The following C1orf185 variants were observed in gnomAD, a reference collection of about 807,000 sequenced individuals.
C1orf185 encodes chromosome 1 open reading frame 185.
C1orf185 carries 13 observed loss-of-function variants against 16.1 expected under a neutral mutation model. The ratio of observed to expected loss-of-function variants is 0.81; its 90% CI spans 0.53 to 1.28. The LOEUF is 1.28. Among genes scored for constraint, C1orf185 ranks in the 50% most tolerant of loss-of-function variants. The pLI is 0.00. For synonymous variants in C1orf185, 80 were observed against 76.9 expected (o/e 1.04, Z -0.21); for missense variants, 220 against 225.2 (o/e 0.98, Z 0.15).
At chr1:51,138,815 C>T (rs1005448076) in intron 3 of C1orf185, among the ~76,000 whole-genome samples, 2 of 152,100 alleles carry the variant, frequency 1.3e-5, no homozygotes, top group African/African-American at 4.8e-5. Context: ...AGCCTCCCAA[C>T]CAGCTGGGAT....
downstream of C1orf185, among the ~76,000 whole-genome samples, chr1:51,150,355 G>T (rs1312208722): frequency 6.6e-6 from 1 of 152,014 alleles, no homozygotes; most frequent in South Asian, 2.1e-4. Context: ...AACACGTCCA[G>T]CTAATTTTTG....
chr1:51,112,648 C>G (rs1646129900), intron 2 of C1orf185, 79 bp downstream of exon 2: 2 of 1,245,760 alleles, frequency 1.6e-6, no homozygotes, highest in Non-Finnish European at 2.2e-6. Context: ...TGGAAGTAAA[C>G]TTAAATAACT....
chr1:51,150,159 G>A (rs539493831), downstream of C1orf185, among the ~76,000 whole-genome samples: 1 of 150,196 alleles, frequency 6.7e-6, no homozygotes, highest in Non-Finnish European at 1.5e-5. Context: ...TAAAGTAATT[G>A]TTATCCCATA....
chr1:51,137,998 T>A (rs1354676247), intron 3 of C1orf185, among the ~76,000 whole-genome samples: 6 of 152,124 alleles, frequency 3.9e-5, no homozygotes, highest in African/African-American at 1.4e-4. Context: ...GAGAGCCAAA[T>A]GTTGAAAACA....
At chr1:51,133,354 A>T (rs1219511383) in intron 3 of C1orf185, among the ~76,000 whole-genome samples, 1 of 152,210 alleles carries the variant, frequency 6.6e-6, no homozygotes, top group African/African-American at 2.4e-5. Context: ...TAAAGGAATG[A>T]TGAAAAATCT....
At chr1:51,120,570 G>T (rs1197935426) in intron 3 of C1orf185, among the ~76,000 whole-genome samples, 3 of 152,144 alleles carry the variant, frequency 2.0e-5, no homozygotes, top group Non-Finnish European at 4.4e-5. Context: ...GATTCTAAAG[G>T]TTATTTCCTC....
intron 2 of C1orf185, among the ~76,000 whole-genome samples, chr1:51,114,203 G>A (rs1646142245): frequency 6.6e-6 from 1 of 152,226 alleles, no homozygotes; most frequent in Admixed American, 6.5e-5. Context: ...AAACAATCAT[G>A]AAATTGAAGA....
rs1306257023 is a variant in C1orf185, at chr1:51,145,755, T to C, written c.290T>C (p.Ile97Thr). 2 of 1,306,556 alleles carry C rather than the reference T, an allele frequency of 1.5e-6. No individual in the cohort carries two copies. Among genetic ancestry groups the C allele is most frequent in the Non-Finnish European group, 2.1e-6 (2 of 963,480 alleles). 80.9% of individuals were successfully genotyped at this position (1,306,556 alleles called of 1,614,324 possible). The stretch of plus-strand genomic sequence containing the variant: ...CAAAGAAAAAAGGAAGCAGCACATA[T>C]AAAAGGTATTTTTTCTCAATAATTT... ...EEQRKKEAAH[I>T]KAIKDHSKDE... The change falls in exon 4 of 5, where the codon ATA becomes ACA. Residue 97 changes from isoleucine (I) to threonine (T), a missense_variant. Transcript: ENST00000371759.
chr1:51,106,548 G>T (rs1452587706), intron 1 of C1orf185, among the ~76,000 whole-genome samples: 1 of 152,102 alleles, frequency 6.6e-6, no homozygotes, highest in East Asian at 1.9e-4. Context: ...GCCAAGGAGG[G>T]AGGATGAGAG....
At chr1:51,143,057 C>A (rs988640755) in intron 3 of C1orf185, among the ~76,000 whole-genome samples, 1 of 152,176 alleles carries the variant, frequency 6.6e-6, no homozygotes, top group Admixed American at 6.5e-5. Context: ...AGCCACCGTG[C>A]CCAGCCTCAC....
intron 3 of C1orf185, among the ~76,000 whole-genome samples, chr1:51,128,035 G>A (rs1273729345): frequency 6.6e-6 from 1 of 151,904 alleles, no homozygotes; most frequent in African/African-American, 2.4e-5. Context: ...CTATAGGCGC[G>A]TGCCACCACG....
chr1:51,137,017 G>A (rs1168203314), intron 3 of C1orf185, among the ~76,000 whole-genome samples: 4 of 151,998 alleles, frequency 2.6e-5, no homozygotes, highest in Non-Finnish European at 5.9e-5. Flanking sequence ...ATCTGACAAA[G>A]GTCTAATATC....
At chr1:51,134,778 A>G (rs1392611960) in intron 3 of C1orf185, among the ~76,000 whole-genome samples, 1 of 152,154 alleles carries the variant, frequency 6.6e-6, no homozygotes, top group Admixed American at 6.6e-5. Context: ...CTGGACACAT[A>G]CTTCCTAACA....
intron 3 of C1orf185, among the ~76,000 whole-genome samples, chr1:51,122,092 T>C (rs1036670822): frequency 1.3e-5 from 2 of 152,234 alleles, no homozygotes; most frequent in Non-Finnish European, 2.9e-5. Flanking sequence ...AGTTGATGTA[T>C]GTAGCCATAG....
At chr1:51,109,261 G>A (rs1220120877) in intron 1 of C1orf185, among the ~76,000 whole-genome samples, 2 of 151,974 alleles carry the variant, frequency 1.3e-5, no homozygotes, top group African/African-American at 4.8e-5. Flanking sequence ...TTTTTAATAA[G>A]ATTATGTTTC....
downstream of C1orf185, among the ~76,000 whole-genome samples, chr1:51,149,420 G>A (rs576181917): frequency 1.3e-5 from 2 of 152,238 alleles, no homozygotes; most frequent in South Asian, 4.1e-4. Context: ...TTTACACAGC[G>A]TGCTATGGGT....
intron 3 of C1orf185, among the ~76,000 whole-genome samples, chr1:51,140,213 G>A (rs1646355494): frequency 1.3e-5 from 2 of 152,016 alleles, no homozygotes; most frequent in Admixed American, 1.3e-4. Flanking sequence ...TGTTATTCTG[G>A]TATGACTTTT....
intron 1 of C1orf185, chr1:51,107,235 G>A (rs747579544): frequency 1.3e-5 from 2 of 152,220 alleles, no homozygotes; most frequent in Admixed American, 6.5e-5. Flanking sequence ...TGCTCCGAAG[G>A]CAGTGAGTCT....
Position 51,112,518 on chromosome 1 carries a change from T to C in C1orf185, c.71T>C (p.Ile24Thr), listed in dbSNP as rs1447042823. ...GCTGCTGGTGCTGTCACTTTGGGAA[T>C]TGGTTTCTTTGCTTTGGCATCAGCT... ...FLAAGAVTLG[I>T]GFFALASALW... The change falls in exon 2 of 5, where the codon ATT (isoleucine) becomes ACT (threonine). Residue 24 changes from isoleucine to threonine, a missense_variant. Coordinates refer to ENST00000371759, the MANE Select transcript of C1orf185 (RefSeq NM_001136508.2). 8 of 1,551,256 alleles carry C rather than the reference T, an allele frequency of 5.2e-6. No homozygotes were observed. Among genetic ancestry groups the C allele is most frequent in the East Asian group, 2.4e-5 (1 of 40,892 alleles).
Sources: gnomAD v4.1 joint callset for allele counts (sites outside exome capture counted in the v4.1 genomes callset) on GRCh38, gnomAD v4.1.1 for gene constraint, MANE v1.5 for transcripts, NCBI Gene and HGNC (gene_info 2026-07-23, HGNC 2026-07-21) for gene names.